ZNF804B: variants seen among roughly 807,000 people sequenced by gnomAD.
ZNF804B encodes zinc finger 804B.
In ZNF804B, 80 loss-of-function variants were observed where a neutral mutation model predicts 101.4. The ratio of observed to expected loss-of-function variants is 0.79; its 90% CI spans 0.66 to 0.95. The LOEUF (loss-of-function observed/expected upper bound fraction) is 0.95. ZNF804B is among the 40% of genes least tolerant of loss of function. The pLI is 0.00. For missense variants in ZNF804B, 1,673 were observed against 1,561.9 expected (o/e 1.07, Z -1.20); for synonymous variants, 622 against 558.8 (o/e 1.11, Z -1.59).
At chr7:89,016,555 T>C (rs1788563754) in intron 1 of ZNF804B, among the ~76,000 whole-genome samples, 1 of 149,408 alleles carries the variant, frequency 6.7e-6, no homozygotes, top group Non-Finnish European at 1.5e-5. Context: ...TTTCTACATA[T>C]GGCTAGCCAG....
chr7:89,169,341 A>G (rs1791191636), intron 1 of ZNF804B, among the ~76,000 whole-genome samples: 1 of 152,190 alleles, frequency 6.6e-6, no homozygotes, highest in Non-Finnish European at 1.5e-5. Context: ...TGAGATTTAT[A>G]TCCCAATCAT....
chr7:89,076,036 C>G (rs375787435), intron 1 of ZNF804B, among the ~76,000 whole-genome samples: 1 of 152,226 alleles, frequency 6.6e-6, no homozygotes, highest in East Asian at 1.9e-4. Flanking sequence ...AAGAAACTAA[C>G]TTGCTTTTGA....
At chr7:89,123,971 G>A (rs1790442394) in intron 1 of ZNF804B, among the ~76,000 whole-genome samples, 3 of 152,106 alleles carry the variant, frequency 2.0e-5, no homozygotes, top group Non-Finnish European at 4.4e-5. Flanking sequence ...ACACAACAAA[G>A]TGCAAACTCC....
At chr7:89,171,337 CTT>C (rs1562904489) in intron 1 of ZNF804B, among the ~76,000 whole-genome samples, 30 of 131,396 alleles carry the variant, frequency 2.3e-4, no homozygotes, top group African/African-American at 8.5e-4. Flanking sequence ...TCTTCTTCTT[CTT>C]CTTCTTCTTC....
rs377367501 is a variant in ZNF804B at position 89,016,055 on chromosome 7, T to A, written c.109-202100T>A. On this transcript the variant is annotated intron_variant, in intron 1 of 3. Transcript: ENST00000333190. ...TAACTGGTGTGAGATGGTATCTCAT[T>A]GTGGTTTTGATTTGCATTTCTCTGA... Among the ~76,000 whole-genome samples the A allele has an allele frequency of 1.8e-4, 27 of 152,328 alleles. No homozygotes were observed. In the East Asian group the frequency reaches 4.6e-3, roughly 26 times the overall value.
rs1291840167 is a variant in ZNF804B, at chr7:88,984,368, T to C, written c.108+224284T>C. On this transcript the variant is annotated intron_variant, in intron 1 of 3. Transcript: ENST00000333190. Reference sequence around the variant, plus strand: ...TAAGGATGGTGTAATCAAGTAATTGTGTTTTTGCATGTTTTTGTTTCTTTG... The same window carrying C: ...TAAGGATGGTGTAATCAAGTAATTGCGTTTTTGCATGTTTTTGTTTCTTTG... Among the ~76,000 whole-genome samples the C allele has an allele frequency of 3.3e-5, 5 of 152,166 alleles. No homozygotes were observed. The East Asian group carries it at 9.7e-4, about 30-fold the overall frequency.
chr7:89,215,629 A>G (rs1421692862), intron 1 of ZNF804B, among the ~76,000 whole-genome samples: 1 of 152,024 alleles, frequency 6.6e-6, no homozygotes, highest in East Asian at 1.9e-4. Flanking sequence ...CGCGCCTGTA[A>G]TCCTAGCACT....
intron 1 of ZNF804B, among the ~76,000 whole-genome samples, chr7:88,815,125 A>G (rs1790855280): frequency 6.7e-6 from 1 of 148,456 alleles, no homozygotes; most frequent in Admixed American, 6.8e-5. Context: ...ATATGTATGT[A>G]TGGCATAGAT....
At chr7:88,794,818 A>G in intron 1 of ZNF804B, 2 of 1,613,774 alleles carry the variant, frequency 1.2e-6, no homozygotes, top group Non-Finnish European at 1.7e-6. Flanking sequence ...GAATTTCTTT[A>G]GGTGTAGTCG....
chr7:89,173,411 A>C (rs1156376123), intron 1 of ZNF804B, among the ~76,000 whole-genome samples: 2 of 152,036 alleles, frequency 1.3e-5, no homozygotes, highest in East Asian at 3.9e-4. Flanking sequence ...TCTATACATC[A>C]AATATTTAAT....
intron 1 of ZNF804B, among the ~76,000 whole-genome samples, chr7:89,149,271 G>T (rs1394648224): frequency 6.6e-6 from 1 of 152,066 alleles, no homozygotes; most frequent in African/African-American, 2.4e-5. Flanking sequence ...AATTTGAGAT[G>T]CCACTCATGA....
At chr7:89,179,418 A>G (rs1685997039) in intron 1 of ZNF804B, among the ~76,000 whole-genome samples, 1 of 152,034 alleles carries the variant, frequency 6.6e-6, no homozygotes, top group African/African-American at 2.4e-5. Flanking sequence ...AAAATCTGCT[A>G]TTGAGAGACT....
intron 1 of ZNF804B, among the ~76,000 whole-genome samples, chr7:89,068,940 A>C (rs2116293978): frequency 6.6e-6 from 1 of 152,302 alleles, no homozygotes; most frequent in South Asian, 2.1e-4. Flanking sequence ...CCCTAGGGGA[A>C]GGGGCCAGTG....
At chr7:89,252,791 C>G (rs1272360381) in intron 2 of ZNF804B, among the ~76,000 whole-genome samples, 1 of 152,186 alleles carries the variant, frequency 6.6e-6, no homozygotes, top group East Asian at 1.9e-4. Context: ...AGCAGAAAAT[C>G]AGATGCCTCG....
At chr7:88,980,635 T>A (rs1793681558) in intron 1 of ZNF804B, among the ~76,000 whole-genome samples, 1 of 152,048 alleles carries the variant, frequency 6.6e-6, no homozygotes, top group African/African-American at 2.4e-5. Flanking sequence ...AGGCAGAGAC[T>A]TTTGTTTCTT....
intron 1 of ZNF804B, among the ~76,000 whole-genome samples, chr7:88,880,030 A>G (rs1367750236): frequency 6.8e-6 from 1 of 147,822 alleles, no homozygotes; most frequent in East Asian, 2.0e-4. Flanking sequence ...TGGGCTACAC[A>G]GCGAGACTGT....
intron 1 of ZNF804B, among the ~76,000 whole-genome samples, chr7:88,928,001 G>T (rs1792832114): frequency 6.6e-6 from 1 of 152,004 alleles, no homozygotes; most frequent in Non-Finnish European, 1.5e-5. Context: ...AACCTCATCA[G>T]CATGAGTCAT....
chr7:88,909,537 T>C (rs1180446027), intron 1 of ZNF804B, among the ~76,000 whole-genome samples: 1 of 151,852 alleles, frequency 6.6e-6, no homozygotes, highest in African/African-American at 2.4e-5. Flanking sequence ...TTTTATTTCC[T>C]AGTAAATATT....
intron 2 of ZNF804B, among the ~76,000 whole-genome samples, chr7:89,307,477 A>G (rs1790582763): frequency 6.6e-6 from 1 of 152,006 alleles, no homozygotes; most frequent in South Asian, 2.1e-4. Context: ...GAGAATGGCC[A>G]ATATTGGAAC....
Sources: allele counts gnomAD v4.1 joint callset (sites outside exome capture counted in the v4.1 genomes callset), GRCh38; gene constraint gnomAD v4.1.1; transcripts MANE v1.5; gene names NCBI Gene and HGNC (gene_info 2026-07-23, HGNC 2026-07-21).